SLC9A9: variants seen among roughly 807,000 people sequenced by gnomAD.
SLC9A9 encodes the protein sodium/hydrogen exchanger 9.
SLC9A9 carries 62 observed loss-of-function variants against 77.8 expected under a neutral mutation model. That is an observed-to-expected ratio of 0.80 (90% CI 0.65 to 0.98). The LOEUF is 0.98. SLC9A9 is among the 50% of genes least tolerant of loss of function. The pLI is 0.00. For synonymous variants in SLC9A9, 320 were observed against 283.5 expected (o/e 1.13, Z -1.29); for missense variants, 775 against 774.9 (o/e 1.00, Z 0.00).
Position 143,800,647 on chromosome 3 carries a change from C to T in SLC9A9, c.379-3744G>A, listed in dbSNP as rs145690642. On this transcript the variant is annotated intron_variant, in intron 2 of 15. Coordinates refer to ENST00000316549, the MANE Select transcript of SLC9A9 (RefSeq NM_173653.4). ...CAGCAGTTTACCTGGGCTGTGCTGC[C>T]GCAAGGCTTCAGGGACAGCCCTCAT... Among the ~76,000 whole-genome samples the T allele has an allele frequency of 8.9e-3, 1,349 of 152,282 alleles. 21 individuals are homozygous for T. Among genetic ancestry groups the T allele is most frequent in the African/African-American group, 0.031 (1,290 of 41,552 alleles).
At chr3:143,350,382 C>T (rs547121795) in intron 14 of SLC9A9, among the ~76,000 whole-genome samples, 3 of 152,196 alleles carry the variant, frequency 2.0e-5, no homozygotes, top group Non-Finnish European at 4.4e-5. Flanking sequence ...CTTATGTCTA[C>T]AAATCATCTG....
At chr3:143,835,655 A>G (rs996168171) in intron 1 of SLC9A9, among the ~76,000 whole-genome samples, 7 of 152,246 alleles carry the variant, frequency 4.6e-5, no homozygotes, top group African/African-American at 1.7e-4. Flanking sequence ...GGTTGTTTTT[A>G]TACCATTCAA....
chr3:143,365,109 A>G (rs1221076357), intron 13 of SLC9A9, among the ~76,000 whole-genome samples: 1 of 152,230 alleles, frequency 6.6e-6, no homozygotes, highest in African/African-American at 2.4e-5. Context: ...AAAAGGAATG[A>G]GATTATGTCT....
rs1033029074 is a variant in SLC9A9 at position 143,615,325 on chromosome 3, T to C, written c.756-36602A>G. Among the ~76,000 whole-genome samples, 114 of 152,344 alleles carry C rather than the reference T, an allele frequency of 7.5e-4. 1 individual carries two copies. The highest frequency in any genetic ancestry group is 2.5e-3 in the African/African-American group (104 of 41,578). On this transcript the variant is annotated intron_variant, in intron 6 of 15. Coordinates refer to ENST00000316549, the MANE Select transcript of SLC9A9 (RefSeq NM_173653.4). ...CCAAGAATAGTTCAAACTCACTTTA[T>C]GAATGAATCACCTGGTAACTGACCG...
intron 14 of SLC9A9, among the ~76,000 whole-genome samples, chr3:143,292,937 G>A (rs1021359513): frequency 6.6e-6 from 1 of 152,156 alleles, no homozygotes; most frequent in African/African-American, 2.4e-5. Context: ...GGGGAAATAA[G>A]AAAGACACTA....
intron 2 of SLC9A9, among the ~76,000 whole-genome samples, chr3:143,808,737 T>C (rs1406226755): frequency 6.6e-6 from 1 of 152,228 alleles, no homozygotes; most frequent in Admixed American, 6.5e-5. Context: ...ATTTAACCTC[T>C]CTGTCCTTCA....
intron 14 of SLC9A9, among the ~76,000 whole-genome samples, chr3:143,271,970 G>A (rs756892148): frequency 8.5e-5 from 13 of 152,130 alleles, no homozygotes; most frequent in Non-Finnish European, 1.8e-4. Context: ...AAATATTCAG[G>A]GGTGTATGAG....
intron 1 of SLC9A9, among the ~76,000 whole-genome samples, chr3:143,842,711 C>G (rs1195294882): frequency 6.6e-6 from 1 of 152,246 alleles, no homozygotes; most frequent in Non-Finnish European, 1.5e-5. Context: ...CCTCACCTTT[C>G]TGACAGGAAT....
chr3:143,833,987 T>C (rs1277737173), intron 1 of SLC9A9, among the ~76,000 whole-genome samples: 3 of 152,154 alleles, frequency 2.0e-5, no homozygotes, highest in African/African-American at 2.4e-5. Context: ...TTTAACCCAA[T>C]GGTAATGTAG....
chr3:143,554,888 AC>A (rs1172601451), intron 8 of SLC9A9, among the ~76,000 whole-genome samples: 11 of 152,202 alleles, frequency 7.2e-5, no homozygotes, highest in African/African-American at 2.4e-4. Flanking sequence ...ACATGAGCAG[AC>A]AGGTCTTCTC....
intron 6 of SLC9A9, among the ~76,000 whole-genome samples, chr3:143,591,761 G>A (rs937340604): frequency 6.6e-6 from 1 of 151,856 alleles, no homozygotes; most frequent in African/African-American, 2.4e-5. Context: ...AGGAACTAGG[G>A]CCCTGCATGC....
At chr3:143,281,559 G>T (rs1002208886) in intron 14 of SLC9A9, among the ~76,000 whole-genome samples, 7 of 152,116 alleles carry the variant, frequency 4.6e-5, no homozygotes, top group African/African-American at 1.7e-4. Flanking sequence ...CCAACTCTTT[G>T]GGATGAGTTG....
At chr3:143,750,737 A>G (rs543371793) in intron 4 of SLC9A9, among the ~76,000 whole-genome samples, 24 of 147,862 alleles carry the variant, frequency 1.6e-4, no homozygotes, top group African/African-American at 3.7e-4. Flanking sequence ...ATATATCTAT[A>G]TATATATATA....
intron 9 of SLC9A9, among the ~76,000 whole-genome samples, chr3:143,528,996 T>C (rs2108619588): frequency 6.6e-6 from 1 of 152,236 alleles, no homozygotes; most frequent in East Asian, 1.9e-4. Flanking sequence ...AGGAAATAAG[T>C]CTAAAGGAGA....
At chr3:143,599,781 T>G (rs1391570706) in intron 6 of SLC9A9, among the ~76,000 whole-genome samples, 1 of 152,170 alleles carries the variant, frequency 6.6e-6, no homozygotes, top group Non-Finnish European at 1.5e-5. Flanking sequence ...TATGCGTCCC[T>G]CAAGACCTGT....
At chr3:143,844,747 TTCTTTC>T (rs1254825666) in intron 1 of SLC9A9, among the ~76,000 whole-genome samples, 2 of 147,456 alleles carry the variant, frequency 1.4e-5, no homozygotes, top group Non-Finnish European at 3.0e-5. Context: ...CTTTCTTTCT[TTCTTTC>T]TTTCTTTCTT....
At chr3:143,769,102 T>C (rs1560071204) in intron 4 of SLC9A9, among the ~76,000 whole-genome samples, 1 of 152,148 alleles carries the variant, frequency 6.6e-6, no homozygotes, top group Non-Finnish European at 1.5e-5. Context: ...TTAAAGGAGA[T>C]AAACATATGT....
intron 6 of SLC9A9, among the ~76,000 whole-genome samples, chr3:143,624,560 C>G (rs1415332094): frequency 3.9e-5 from 6 of 152,162 alleles, no homozygotes; most frequent in Admixed American, 3.9e-4. Flanking sequence ...TGACAAAATT[C>G]AACAGCCCCT....
chr3:143,433,526 G>C (rs1322868694), intron 12 of SLC9A9, among the ~76,000 whole-genome samples: 1 of 152,052 alleles, frequency 6.6e-6, no homozygotes, highest in East Asian at 1.9e-4. Context: ...AATACATTTA[G>C]TGTTCAATTT....
Sources: allele counts gnomAD v4.1 joint callset (sites outside exome capture counted in the v4.1 genomes callset), GRCh38; gene constraint gnomAD v4.1.1; transcripts MANE v1.5; gene names NCBI Gene and HGNC (gene_info 2026-07-23, HGNC 2026-07-21).